The following KSR2 variants were observed in gnomAD, a reference collection of about 807,000 sequenced individuals.
KSR2 encodes the protein kinase suppressor of ras 2.
Under a neutral mutation model 107.8 loss-of-function variants are expected in KSR2, and 25 were observed. The observed-to-expected ratio is 0.23, with a 90% CI of 0.17 to 0.32. The LOEUF (loss-of-function observed/expected upper bound fraction) is 0.32. KSR2 is among the 10% of genes least tolerant of loss of function. The pLI, the probability that KSR2 is intolerant of heterozygous loss-of-function variation, is 1.00. For missense variants in KSR2, 887 were observed against 1,268.9 expected (o/e 0.70, Z 4.57); for synonymous variants, 480 against 507.0 (o/e 0.95, Z 0.71).
intron 4 of KSR2, among the ~76,000 whole-genome samples, chr12:117,726,395 C>A (rs573167775): frequency 9.9e-5 from 15 of 152,164 alleles, no homozygotes; most frequent in Non-Finnish European, 2.1e-4. Context: ...AGATGCCTGA[C>A]AATGCTAAGT....
At chr12:117,469,030 TTCTAGAGAGC>T (rs1871289015) in intron 19 of KSR2, among the ~76,000 whole-genome samples, 1 of 152,166 alleles carries the variant, frequency 6.6e-6, no homozygotes, top group South Asian at 2.1e-4. Context: ...CCCTTTTACC[TTCTAGAGAGC>T]TCAGTCATGG....
At chr12:117,775,457 C>G (rs1441798334) in intron 3 of KSR2, among the ~76,000 whole-genome samples, 1 of 152,238 alleles carries the variant, frequency 6.6e-6, no homozygotes, top group African/African-American at 2.4e-5. Context: ...TCCTCTCATT[C>G]TCACACCTTA....
intron 18 of KSR2, among the ~76,000 whole-genome samples, chr12:117,470,434 TC>T (rs1221690916): frequency 6.6e-6 from 1 of 152,188 alleles, no homozygotes; most frequent in African/African-American, 2.4e-5. Flanking sequence ...CCATCCTTCT[TC>T]CCATGTACTT....
chr12:117,843,809 C>G (rs1478520881), intron 3 of KSR2, among the ~76,000 whole-genome samples: 1 of 152,180 alleles, frequency 6.6e-6, no homozygotes, highest in Non-Finnish European at 1.5e-5. Context: ...TCTATCCAAG[C>G]CTGTCTTCAT....
At chr12:117,520,723 T>G (rs965786527) in intron 14 of KSR2, among the ~76,000 whole-genome samples, 5 of 152,226 alleles carry the variant, frequency 3.3e-5, no homozygotes, top group South Asian at 2.1e-4. Flanking sequence ...AACAACACCA[T>G]GTCACACCCC....
chr12:117,713,683 A>G (rs1375823654), intron 4 of KSR2, among the ~76,000 whole-genome samples: 1 of 152,188 alleles, frequency 6.6e-6, no homozygotes, highest in African/African-American at 2.4e-5. Context: ...ACAGGACAGG[A>G]AAGAAAAAGT....
At chr12:117,683,124 TTG>T (rs1345394102) in intron 4 of KSR2, among the ~76,000 whole-genome samples, 2 of 152,194 alleles carry the variant, frequency 1.3e-5, no homozygotes, top group Middle Eastern at 6.3e-3. Context: ...ACTTTTAGAC[TTG>T]TCTCTACCAT....
At chr12:117,798,891 T>A (rs908912682) in intron 3 of KSR2, among the ~76,000 whole-genome samples, 9 of 152,156 alleles carry the variant, frequency 5.9e-5, no homozygotes, top group African/African-American at 2.2e-4. Context: ...TACAGTGGAA[T>A]ATTATTCAGC....
At chr12:117,540,360 C>G (rs1876394019) in intron 9 of KSR2, among the ~76,000 whole-genome samples, 1 of 152,106 alleles carries the variant, frequency 6.6e-6, no homozygotes, top group South Asian at 2.1e-4. Context: ...CTCCTCACCC[C>G]AGACCAGCTC....
At chr12:117,872,655 C>T in intron 1 of KSR2, among the ~76,000 whole-genome samples, 1 of 152,134 alleles carries the variant, frequency 6.6e-6, no homozygotes, top group East Asian at 1.9e-4. Context: ...TGTGAAAACA[C>T]TGAGGACTCT....
chr12:117,772,909 T>G (rs1269409702), intron 3 of KSR2, among the ~76,000 whole-genome samples: 2 of 152,218 alleles, frequency 1.3e-5, no homozygotes, highest in African/African-American at 2.4e-5. Context: ...GGAAGAAAAG[T>G]CTTACCCTCT....
intron 5 of KSR2, among the ~76,000 whole-genome samples, chr12:117,647,598 G>A (rs905208985): frequency 7.2e-5 from 11 of 152,176 alleles, no homozygotes; most frequent in Non-Finnish European, 1.0e-4. Flanking sequence ...AGTTATCAAA[G>A]CTACATCCTA....
At chr12:117,785,182 A>C (rs1002869710) in intron 3 of KSR2, among the ~76,000 whole-genome samples, 1 of 152,186 alleles carries the variant, frequency 6.6e-6, no homozygotes, top group African/African-American at 2.4e-5. Context: ...TGGGAGGCCA[A>C]GGCAGGTGGA....
chr12:117,942,047 C>G (rs1055026321), intron 1 of KSR2, among the ~76,000 whole-genome samples: 1 of 152,064 alleles, frequency 6.6e-6, no homozygotes, highest in Non-Finnish European at 1.5e-5. Flanking sequence ...CATGCCACTT[C>G]TAGGTATATT....
Position 117,539,798 on chromosome 12 carries a change from G to A in KSR2, c.1608C>T (p.Leu536=). ...SSTPSSPAPP[L]PPSATPPSPL... is the part of the protein sequence containing the mutation. ...GAGAAGGCGGCGTGGCACTAGGAGG[G>A]AGGGGGGGTGCTGGCGAGGAGGGCG... is the stretch of plus-strand genomic sequence containing the variant. The change falls in exon 10 of 20, where the codon CTC becomes CTT. Residue 536 remains leucine, a synonymous_variant. Transcript: ENST00000339824. 1 of 1,608,378 alleles carries A rather than the reference G, an allele frequency of 6.2e-7. No individual in the cohort carries two copies. Among genetic ancestry groups the A allele is most frequent in the Non-Finnish European group, 8.5e-7 (1 of 1,178,102 alleles).
At chr12:117,742,604 A>G (rs1457031406) in intron 4 of KSR2, among the ~76,000 whole-genome samples, 1 of 152,186 alleles carries the variant, frequency 6.6e-6, no homozygotes, top group African/African-American at 2.4e-5. Context: ...TGGGTAGAAT[A>G]AAATATTGAC....
At chr12:117,517,669 A>T (rs1455601216) in intron 14 of KSR2, 1 of 365,916 alleles carries the variant, frequency 2.7e-6, no homozygotes, top group East Asian at 7.3e-5. Flanking sequence ...AGGGTGCTTT[A>T]CATTTCAGCA....
chr12:117,702,288 G>A (rs1886361514), intron 4 of KSR2, among the ~76,000 whole-genome samples: 1 of 152,142 alleles, frequency 6.6e-6, no homozygotes, highest in South Asian at 2.1e-4. Context: ...CAGTTCCATT[G>A]CAAAGGTGTG....
At chr12:117,933,711 G>A (rs1165319216) in intron 1 of KSR2, among the ~76,000 whole-genome samples, 1 of 152,118 alleles carries the variant, frequency 6.6e-6, no homozygotes, top group Non-Finnish European at 1.5e-5. Context: ...TATGGTTATG[G>A]CACACTACAA....
Sources: allele counts gnomAD v4.1 joint callset (sites outside exome capture counted in the v4.1 genomes callset), GRCh38; gene constraint gnomAD v4.1.1; transcripts MANE v1.5; gene names NCBI Gene and HGNC (gene_info 2026-07-23, HGNC 2026-07-21).